Variants in SLCO3A1 observed in about 807,000 individuals in gnomAD.
SLCO3A1 encodes PGE1 transporter.
In SLCO3A1, 27 loss-of-function variants were observed where a neutral mutation model predicts 63.1. The ratio of observed to expected loss-of-function variants is 0.43; its 90% confidence interval spans 0.32 to 0.59. The LOEUF (loss-of-function observed/expected upper bound fraction) is 0.59. Among genes scored for constraint, SLCO3A1 ranks in the 20% least tolerant of loss-of-function variants. The probability of loss-of-function intolerance (pLI) is 0.09; values close to 1 mark genes in which losing one functional copy is unlikely to be tolerated. For synonymous variants in SLCO3A1, 473 were observed against 409.9 expected, an observed-to-expected ratio of 1.15 and a Z score of -1.86; for missense variants, 773 against 945.8, an observed-to-expected ratio of 0.82 and a Z score of 2.40.
intron 2 of SLCO3A1, among the ~76,000 whole-genome samples, chr15:91,998,326 C>T (rs1336968477): frequency 6.6e-6 from 1 of 151,928 alleles, no homozygotes; most frequent in Non-Finnish European, 1.5e-5. Context: ...TGGTGGCGCA[C>T]CCCTGTAATC....
rs1193786563 is a variant in SLCO3A1, at chr15:92,164,951, G to GA, written c.*1824dup. On this transcript the variant is annotated 3_prime_UTR_variant, in exon 10 of 10. Transcript: ENST00000318445. Reference sequence around the variant, plus strand: ...TGTTCATGTCACATTCCTGGCGCTGGAAAAAAAACTCAAAGGTTGATTGGT... The same window carrying GA: ...TGTTCATGTCACATTCCTGGCGCTGGAAAAAAAAACTCAAAGGTTGATTGGT... 11 of 975,596 alleles carry GA rather than the reference G, an allele frequency of 1.1e-5. No homozygotes were observed. The highest frequency in any genetic ancestry group is 1.3e-5 in the Non-Finnish European group (11 of 826,784). The allele number at this position is 975,596 out of a possible 1,614,324, so 60.4% of individuals were successfully genotyped here. A position where few individuals can be genotyped will look rare whatever the true frequency, so the allele number is the denominator to read the frequency against.
At chr15:91,913,356 C>T (rs981693946) in intron 1 of SLCO3A1, among the ~76,000 whole-genome samples, 6 of 152,230 alleles carry the variant, frequency 3.9e-5, no homozygotes, top group African/African-American at 1.4e-4. Context: ...GGCCTTAGCC[C>T]CGCGCTGCTC....
At chr15:91,880,855 G>A (rs1020379029) in intron 1 of SLCO3A1, among the ~76,000 whole-genome samples, 7 of 152,150 alleles carry the variant, frequency 4.6e-5, no homozygotes, top group Non-Finnish European at 8.8e-5. Context: ...AGGAAGCAGT[G>A]TAAAGTGCCC....
chr15:92,132,560 G>C lies in SLCO3A1; in HGVS notation c.1512+4071G>C, dbSNP rs535180576. Among the ~76,000 whole-genome samples the C allele has an allele frequency of 2.5e-4, 35 of 142,126 alleles. 8 individuals are homozygous for C. The highest frequency in any genetic ancestry group is 4.7e-4 in the Non-Finnish European group (30 of 64,246). 93.2% of individuals were successfully genotyped at this position (142,126 alleles called of 152,430 possible). ...TAATTATTCCAACAGAAGCATGTTA[G>C]TATGCTGTGGACTGATGGCTGTAAG... On this transcript the variant is annotated intron_variant, in intron 7 of 9. Coordinates refer to ENST00000318445, the MANE Select transcript of SLCO3A1 (RefSeq NM_013272.4).
intron 2 of SLCO3A1, among the ~76,000 whole-genome samples, chr15:91,927,817 C>T (rs776112421): frequency 5.3e-5 from 8 of 152,192 alleles, no homozygotes; most frequent in Non-Finnish European, 1.0e-4. Flanking sequence ...GTCTCATTAA[C>T]ACAGCAAGGA....
At chr15:92,139,809 G>A (rs960854321) in intron 7 of SLCO3A1, among the ~76,000 whole-genome samples, 3 of 151,114 alleles carry the variant, frequency 2.0e-5, no homozygotes, top group Non-Finnish European at 4.4e-5. Context: ...ATTTCTGGGG[G>A]ATCGGTGGTG....
At chr15:91,877,258 G>A (rs1294691976) in intron 1 of SLCO3A1, among the ~76,000 whole-genome samples, 1 of 152,036 alleles carries the variant, frequency 6.6e-6, no homozygotes, top group Non-Finnish European at 1.5e-5. Context: ...AACGATGATG[G>A]CTGTTCTCCT....
chr15:92,136,310 G>GGATCGA (rs2048056556), intron 7 of SLCO3A1, among the ~76,000 whole-genome samples: 1 of 152,028 alleles, frequency 6.6e-6, no homozygotes. Flanking sequence ...CAATTAATAG[G>GGATCGA]GATCGATCAT....
chr15:91,972,389 T>C (rs778778396), intron 2 of SLCO3A1, among the ~76,000 whole-genome samples: 2 of 152,072 alleles, frequency 1.3e-5, no homozygotes, highest in Admixed American at 6.5e-5. Flanking sequence ...ATGGGGTTAG[T>C]ACCCTTATAA....
chr15:92,099,927 G>A (rs746583979), intron 3 of SLCO3A1, among the ~76,000 whole-genome samples: 2 of 152,086 alleles, frequency 1.3e-5, no homozygotes, highest in African/African-American at 2.4e-5. Context: ...TTAGCCGGGC[G>A]TGTTGGTAGG....
intron 2 of SLCO3A1, among the ~76,000 whole-genome samples, chr15:92,050,261 G>T (rs540337667): frequency 6.6e-6 from 1 of 152,332 alleles, no homozygotes; most frequent in African/African-American, 2.4e-5. Context: ...ACCTCTGTGG[G>T]CTGGGCACTC....
chr15:91,933,119 A>G (rs1276826885), intron 2 of SLCO3A1, among the ~76,000 whole-genome samples: 1 of 151,946 alleles, frequency 6.6e-6, no homozygotes, highest in African/African-American at 2.4e-5. Context: ...TTTTTCGGTT[A>G]TTTTTCTCCT....
chr15:91,958,569 G>T (rs1271845298), intron 2 of SLCO3A1, among the ~76,000 whole-genome samples: 1 of 152,204 alleles, frequency 6.6e-6, no homozygotes. Flanking sequence ...AGGAATGGAG[G>T]TTTGGGTGCT....
At chr15:91,995,206 G>A (rs1348144225) in intron 2 of SLCO3A1, among the ~76,000 whole-genome samples, 5 of 152,116 alleles carry the variant, frequency 3.3e-5, no homozygotes, top group African/African-American at 7.2e-5. Flanking sequence ...GGTGATTTAC[G>A]GGAGAGCAGC....
chr15:92,155,388 T>TAGGCCAGAG (rs145822094), intron 9 of SLCO3A1: 2,815 of 152,420 alleles, frequency 0.018, 72 homozygotes, highest in African/African-American at 0.064. Context: ...GATAAGTAGG[T>TAGGCCAGAG]GCCAATATCC....
intron 2 of SLCO3A1, among the ~76,000 whole-genome samples, chr15:92,073,888 G>A (rs2047245070): frequency 6.6e-6 from 1 of 152,256 alleles, no homozygotes. Flanking sequence ...TATGCTCGAG[G>A]TCAGGCACCG....
intron 3 of SLCO3A1, among the ~76,000 whole-genome samples, chr15:92,098,434 C>A (rs1057309722): frequency 1.3e-5 from 2 of 152,162 alleles, no homozygotes; most frequent in African/African-American, 4.8e-5. Flanking sequence ...CCCCTGAGAG[C>A]TGGGGGAGGA....
chr15:92,062,028 C>T (rs913246524), intron 2 of SLCO3A1, among the ~76,000 whole-genome samples: 2 of 152,202 alleles, frequency 1.3e-5, no homozygotes, highest in African/African-American at 2.4e-5. Context: ...CTCCCACTGC[C>T]TTACGTCACT....
At chr15:91,936,917 A>G (rs1597137186) in intron 2 of SLCO3A1, among the ~76,000 whole-genome samples, 1 of 152,194 alleles carries the variant, frequency 6.6e-6, no homozygotes, top group Non-Finnish European at 1.5e-5. Context: ...AAATATGGTC[A>G]CTGTGATTAT....
Sources: allele counts gnomAD v4.1 joint callset (sites outside exome capture counted in the v4.1 genomes callset), GRCh38; gene constraint gnomAD v4.1.1; transcripts MANE v1.5; gene names NCBI Gene and HGNC (gene_info 2026-07-23, HGNC 2026-07-21).